The following ZNF532 variants were observed in gnomAD, a reference collection of about 807,000 sequenced individuals.
ZNF532 encodes the protein zinc finger protein 532.
ZNF532 carries 22 observed loss-of-function variants against 89.3 expected under a neutral mutation model. The ratio of observed to expected loss-of-function variants is 0.25; its 90% CI spans 0.18 to 0.35. The LOEUF (loss-of-function observed/expected upper bound fraction) is 0.35. Ranked by LOEUF, ZNF532 falls within the 10% of genes least tolerant of loss-of-function variation. The probability of loss-of-function intolerance (pLI) is 1.00; values close to 1 mark genes in which losing one functional copy is unlikely to be tolerated. For missense variants in ZNF532, 1,132 were observed against 1,643.4 expected (o/e 0.69, Z 5.38); for synonymous variants, 606 against 649.6 (o/e 0.93, Z 1.02).
intron 6 of ZNF532, among the ~76,000 whole-genome samples, chr18:58,951,006 G>A (rs1268573432): frequency 6.6e-6 from 1 of 151,826 alleles, no homozygotes; most frequent in Non-Finnish European, 1.5e-5. Flanking sequence ...GCCCCGGTTG[G>A]AGTACAGTGG....
intron 2 of ZNF532, among the ~76,000 whole-genome samples, chr18:58,877,975 C>A (rs2057570937): frequency 6.6e-6 from 1 of 152,100 alleles, no homozygotes; most frequent in South Asian, 2.1e-4. Flanking sequence ...GGCAGGTTGG[C>A]TGGGCATGGT....
intron 7 of ZNF532, among the ~76,000 whole-genome samples, chr18:58,971,672 G>A (rs1438664704): frequency 6.6e-6 from 1 of 152,124 alleles, no homozygotes; most frequent in Non-Finnish European, 1.5e-5. Flanking sequence ...AAACTCCCTT[G>A]GTGAACGTGC....
At chr18:58,888,745 A>ATATAAAT (rs2058540438) in intron 2 of ZNF532, among the ~76,000 whole-genome samples, 1 of 47,122 alleles carries the variant, frequency 2.1e-5, no homozygotes, top group African/African-American at 1.2e-4. Context: ...TATATATTTT[A>ATATAAAT]TATATATATA....
In ZNF532 at chr18:58,918,390, G is replaced by GATGACC; in HGVS notation, c.108_113dup (p.Asp36_His37dup). 17 of 1,614,134 alleles carry GATGACC rather than the reference G, an allele frequency of 1.1e-5. No homozygotes were observed. The highest frequency in any genetic ancestry group is 1.3e-5 in the Non-Finnish European group (15 of 1,180,036). ...TAAAGCAGCTATTGAGTCTGGACAC[G>GATGACC]ATGACCATGAAAGCCACATGAAGCA... On this transcript the variant is annotated inframe_insertion, in exon 3 of 10. Transcript: ENST00000591808.
chr18:58,888,656 A>G (rs2058470286), intron 2 of ZNF532, among the ~76,000 whole-genome samples: 1 of 131,064 alleles, frequency 7.6e-6, no homozygotes, highest in African/African-American at 2.9e-5. Context: ...AGCCTGAGCG[A>G]CAAGAGCGAA....
At chr18:58,869,744 G>A (rs2056807594) in intron 2 of ZNF532, among the ~76,000 whole-genome samples, 1 of 150,690 alleles carries the variant, frequency 6.6e-6, no homozygotes, top group Non-Finnish European at 1.5e-5. Context: ...GATTTGTTTG[G>A]AAGATTTTGG....
At chr18:58,967,329 C>T (rs2066014331) in intron 7 of ZNF532, among the ~76,000 whole-genome samples, 1 of 152,218 alleles carries the variant, frequency 6.6e-6, no homozygotes, top group Non-Finnish European at 1.5e-5. Context: ...CCTCCATGAT[C>T]TTACCCTGCC....
intron 2 of ZNF532, among the ~76,000 whole-genome samples, chr18:58,907,517 G>T (rs1321742147): frequency 6.6e-6 from 1 of 150,634 alleles, no homozygotes; most frequent in Admixed American, 6.6e-5. Context: ...TTTTTGAGAT[G>T]GAGTTTCACT....
At chr18:58,933,031 A>G (rs1416354597) in intron 3 of ZNF532, among the ~76,000 whole-genome samples, 1 of 152,130 alleles carries the variant, frequency 6.6e-6, no homozygotes, top group East Asian at 1.9e-4. Context: ...GGACTGTGTG[A>G]AGGTAGATAG....
chr18:58,949,711 C>T (rs1374062260), intron 6 of ZNF532, among the ~76,000 whole-genome samples: 1 of 152,190 alleles, frequency 6.6e-6, no homozygotes, highest in Non-Finnish European at 1.5e-5. Flanking sequence ...CAAAAAAGGT[C>T]AGTTTAAAGC....
At chr18:58,876,122 G>C (rs974471991) in intron 2 of ZNF532, among the ~76,000 whole-genome samples, 2 of 151,912 alleles carry the variant, frequency 1.3e-5, no homozygotes, top group African/African-American at 2.4e-5. Flanking sequence ...TTTTAGTAGA[G>C]ACGGGGTTTC....
chr18:58,895,824 C>T (rs374227758), intron 2 of ZNF532, among the ~76,000 whole-genome samples: 2 of 151,934 alleles, frequency 1.3e-5, no homozygotes, highest in South Asian at 2.1e-4. Context: ...GAATACAGTG[C>T]ATTTCTCAAA....
At chr18:58,954,084 G>GA (rs2064502344) in intron 7 of ZNF532, 3 of 1,114,074 alleles carry the variant, frequency 2.7e-6, no homozygotes, top group Non-Finnish European at 3.3e-6. Context: ...TTAGGAAAGA[G>GA]AAAAATAGTA....
At chr18:58,929,608 G>A (rs186642259) in intron 3 of ZNF532, among the ~76,000 whole-genome samples, 6 of 152,280 alleles carry the variant, frequency 3.9e-5, no homozygotes, top group African/African-American at 9.6e-5. Flanking sequence ...CAGTTTACCC[G>A]TATTCTTCAG....
At chr18:58,955,935 C>T (rs1026419334) in intron 7 of ZNF532, among the ~76,000 whole-genome samples, 1 of 152,132 alleles carries the variant, frequency 6.6e-6, no homozygotes, top group African/African-American at 2.4e-5. Context: ...CTTCACTTGG[C>T]ACCCCTACCA....
In ZNF532 at chr18:58,918,351, G is replaced by T. The variant is rs746482884; in HGVS notation, c.64G>T (p.Asp22Tyr). 2 of 1,614,136 alleles carry T rather than the reference G, an allele frequency of 1.2e-6. No homozygotes were observed. The highest frequency in any genetic ancestry group is 3.3e-5 in the Admixed American group (2 of 60,026). Reference protein sequence around the residue: ...DDLLAAFDIPDMVDPKAAIES... With the variant: ...DDLLAAFDIPYMVDPKAAIES... ...CCTCCTGGCAGCATTTGACATCCCA[G>T]ATATGGTCGATCCTAAAGCAGCTAT... Residue 22 changes from aspartate (D) to tyrosine (Y), a missense_variant, in exon 3 of 10, where the codon GAT becomes TAT. Transcript: ENST00000591808.
chr18:58,879,488 C>T (rs2057712582), intron 2 of ZNF532, among the ~76,000 whole-genome samples: 1 of 152,132 alleles, frequency 6.6e-6, no homozygotes, highest in Non-Finnish European at 1.5e-5. Context: ...GCCTCCGCCT[C>T]CCGGATTCTC....
At chr18:58,886,216 A>G (rs1163806022) in intron 2 of ZNF532, among the ~76,000 whole-genome samples, 1 of 152,096 alleles carries the variant, frequency 6.6e-6, no homozygotes, top group Non-Finnish European at 1.5e-5. Context: ...CCTGGCCTCA[A>G]GTGATCCTCC....
rs955399567 is a variant in ZNF532 at position 58,918,533 on chromosome 18, C to G, written c.246C>G (p.His82Gln). ...DSSEGGEKDGHNPTGNGLHNG... is the reference protein window; with the variant it reads ...DSSEGGEKDGQNPTGNGLHNG... ...CCGAGGGCGGGGAGAAAGACGGCCA[C>G]AACCCCACTGGCAATGGCTTACATA... Residue 82 changes from histidine to glutamine, a missense_variant, in exon 3 of 10, where the codon CAC (histidine) becomes CAG (glutamine). Transcript: ENST00000591808. 6.2e-7 allele frequency: 1 copy of G among 1,614,236 alleles called. No individual in the cohort carries two copies. Among genetic ancestry groups the G allele is most frequent in the Non-Finnish European group, 8.5e-7 (1 of 1,180,046 alleles).
Sources: allele counts gnomAD v4.1 joint callset (sites outside exome capture counted in the v4.1 genomes callset), GRCh38; gene constraint gnomAD v4.1.1; transcripts MANE v1.5; gene names NCBI Gene and HGNC (gene_info 2026-07-23, HGNC 2026-07-21).